NAALADL2: variants seen among roughly 807,000 people sequenced by gnomAD.
The protein encoded by NAALADL2 is N-acetylated alpha-linked acidic dipeptidase like 2.
In NAALADL2, 76 loss-of-function variants were observed where a neutral mutation model predicts 87.2. The ratio of observed to expected loss-of-function variants is 0.87; its 90% confidence interval spans 0.72 to 1.05. The LOEUF is 1.05. Ranked by LOEUF, NAALADL2 falls within the 50% of genes least tolerant of loss-of-function variation. The probability of loss-of-function intolerance (pLI) is 0.00; values close to 1 mark genes in which losing one functional copy is unlikely to be tolerated. For synonymous variants in NAALADL2, 354 were observed against 331.0 expected (o/e 1.07, Z -0.75); for missense variants, 1,089 against 945.8 (o/e 1.15, Z -1.99).
intron 1 of NAALADL2, among the ~76,000 whole-genome samples, chr3:174,469,553 C>G (rs187524178): frequency 6.6e-6 from 1 of 152,004 alleles, no homozygotes; most frequent in African/African-American, 2.4e-5. Flanking sequence ...CTCAGCCTCC[C>G]GAGTAGCTGG....
intron 2 of NAALADL2, among the ~76,000 whole-genome samples, chr3:175,112,030 G>T (rs1241763498): frequency 6.6e-6 from 1 of 151,394 alleles, no homozygotes; most frequent in East Asian, 1.9e-4. Context: ...AGCTAATAAT[G>T]GTCCCATCTT....
intron 4 of NAALADL2, among the ~76,000 whole-genome samples, chr3:175,314,591 A>ATATATG (rs1294973669): frequency 8.7e-6 from 1 of 114,690 alleles, no homozygotes; most frequent in Non-Finnish European, 1.8e-5. Context: ...ATATATATAT[A>ATATATG]TATATATAGG....
chr3:174,898,602 C>T (rs1035135418), intron 1 of NAALADL2, among the ~76,000 whole-genome samples: 12 of 151,772 alleles, frequency 7.9e-5, no homozygotes, highest in Admixed American at 3.9e-4. Context: ...GTGTTAAGTA[C>T]ATATCAGGTA....
At chr3:174,827,637 T>C (rs932956981) in intron 3 of NAALADL2, among the ~76,000 whole-genome samples, 2 of 152,238 alleles carry the variant, frequency 1.3e-5, no homozygotes, top group Admixed American at 1.3e-4. Flanking sequence ...TATTTATCTC[T>C]TGCCATATAA....
chr3:175,270,365 A>C (rs930221278), intron 4 of NAALADL2, among the ~76,000 whole-genome samples: 9 of 152,214 alleles, frequency 5.9e-5, no homozygotes, highest in Non-Finnish European at 1.0e-4. Flanking sequence ...AAAATCAACT[A>C]GTAGGTTGGA....
intron 2 of NAALADL2, among the ~76,000 whole-genome samples, chr3:174,628,714 C>G (rs914169683): frequency 1.3e-5 from 2 of 152,106 alleles, no homozygotes; most frequent in Non-Finnish European, 2.9e-5. Flanking sequence ...TGCATTATTT[C>G]TGAGAGTTAA....
intron 1 of NAALADL2, among the ~76,000 whole-genome samples, chr3:175,000,682 T>C (rs1748108678): frequency 6.6e-6 from 1 of 152,190 alleles, no homozygotes; most frequent in African/African-American, 2.4e-5. Flanking sequence ...TAATCTTAAT[T>C]AGTCATGCTT....
intron 4 of NAALADL2, among the ~76,000 whole-genome samples, chr3:175,313,754 G>C (rs1353468171): frequency 6.6e-6 from 1 of 152,072 alleles, no homozygotes; most frequent in Non-Finnish European, 1.5e-5. Context: ...AATAAGAAGA[G>C]AAGTTGGATA....
At chr3:174,718,340 T>A (rs1383870704) in intron 2 of NAALADL2, among the ~76,000 whole-genome samples, 2 of 152,176 alleles carry the variant, frequency 1.3e-5, no homozygotes, top group African/African-American at 4.8e-5. Flanking sequence ...AGTAAAGTAT[T>A]TGAGATTATT....
In NAALADL2 at chr3:174,689,999, T is replaced by C. The variant is rs553558569; in HGVS notation, c.-114-47642T>C. ...AAAAAAAAGGTCCTGAGTCTAACCT[T>C]TATCTTCAAAGAATTTATTTAGATA... On this transcript the variant is annotated intron_variant, in intron 2 of 3. Transcript: ENST00000434257. 2.3e-3 allele frequency among the ~76,000 whole-genome samples: 351 copies of C among 152,258 alleles called. 3 individuals are homozygous for C. Among genetic ancestry groups the C allele is most frequent in the African/African-American group, 8.0e-3 (333 of 41,556 alleles).
chr3:174,790,928 A>G (rs1167916166), intron 3 of NAALADL2, among the ~76,000 whole-genome samples: 2 of 152,150 alleles, frequency 1.3e-5, no homozygotes, highest in Admixed American at 1.3e-4. Flanking sequence ...CAAAAATACA[A>G]TCGGAAGATA....
chr3:175,772,488 G>A (rs764613786), intron 13 of NAALADL2, among the ~76,000 whole-genome samples: 1 of 152,150 alleles, frequency 6.6e-6, no homozygotes, highest in Non-Finnish European at 1.5e-5. Flanking sequence ...ACCCTAACAA[G>A]CTTCTTCACC....
chr3:175,740,800 C>T (rs1415991903), intron 12 of NAALADL2, among the ~76,000 whole-genome samples: 1 of 152,142 alleles, frequency 6.6e-6, no homozygotes, highest in East Asian at 1.9e-4. Context: ...GCTGTTCTTT[C>T]AGCACTTTAC....
rs556578592 is a variant in NAALADL2 at position 175,633,214 on chromosome 3, G to A, written c.1896+5828G>A. ...CAATTTTTTGGAATTCTTGTTTTCC[G>A]CTTCATTTATGCCCAATCCTCAGAT... On this transcript the variant is annotated intron_variant, in intron 11 of 13. Coordinates refer to ENST00000454872, the MANE Select transcript of NAALADL2 (RefSeq NM_207015.3). Among the ~76,000 whole-genome samples the A allele has an allele frequency of 1.3e-4, 20 of 152,116 alleles. No individual in the cohort carries two copies. The South Asian group carries it at 2.3e-3, about 17-fold the overall frequency.
chr3:175,223,094 C>CTGTGTGTGTGTGTGTGTG (rs71626203), intron 2 of NAALADL2, among the ~76,000 whole-genome samples: 1 of 147,592 alleles, frequency 6.8e-6, no homozygotes, highest in Non-Finnish European at 1.5e-5. Context: ...CATAGTTACT[C>CTGTGTGTGTGTGTGTGTG]TGTGTGTGTG....
chr3:175,600,925 CA>C, intron 10 of NAALADL2, among the ~76,000 whole-genome samples: 1 of 152,114 alleles, frequency 6.6e-6, no homozygotes, highest in Non-Finnish European at 1.5e-5. Flanking sequence ...TGTTTCATTT[CA>C]AAAGATTTGA....
chr3:175,718,211 T>TG lies in NAALADL2; in HGVS notation c.1897-19095_1897-19094insG. ...GGGCCTGTGGTTTTTTTTTTTTTTTTTTTTTTTTTTTTGATTAGTTGCTGT... is the reference window on the plus strand; with the variant it reads ...GGGCCTGTGGTTTTTTTTTTTTTTTTGTTTTTTTTTTTTGATTAGTTGCTGT... On this transcript the variant is annotated intron_variant, in intron 11 of 13. Transcript: ENST00000454872. The TG allele has an allele frequency of 4.0e-6, 3 of 754,066 alleles. No individual in the cohort carries two copies. In the East Asian group the frequency reaches 9.0e-5, roughly 23 times the overall value. The allele number at this position is 754,066 out of a possible 1,614,324, so 46.7% of individuals were successfully genotyped here.
chr3:174,985,694 T>C (rs1233503117), intron 1 of NAALADL2, among the ~76,000 whole-genome samples: 1 of 152,162 alleles, frequency 6.6e-6, no homozygotes. Flanking sequence ...GGCTCACACC[T>C]GTAATCCCAA....
intron 4 of NAALADL2, among the ~76,000 whole-genome samples, chr3:175,268,478 A>G (rs756762026): frequency 2.6e-5 from 4 of 152,078 alleles, no homozygotes; most frequent in African/African-American, 4.8e-5. Flanking sequence ...GACTTTATAA[A>G]CACTTTACAA....
Sources: allele counts gnomAD v4.1 joint callset (sites outside exome capture counted in the v4.1 genomes callset), GRCh38; gene constraint gnomAD v4.1.1; transcripts MANE v1.5; gene names NCBI Gene and HGNC (gene_info 2026-07-23, HGNC 2026-07-21).